Variants in CMIP observed in about 807,000 individuals in gnomAD.
CMIP encodes c-Maf inducing protein, also known as C-Maf-inducing protein.
Under a neutral mutation model 97.3 loss-of-function variants are expected in CMIP, and 13 were observed. The ratio of observed to expected loss-of-function variants is 0.13; its 90% CI spans 0.09 to 0.21. The LOEUF (loss-of-function observed/expected upper bound fraction) is 0.21. Among genes scored for constraint, CMIP ranks in the 10% least tolerant of loss-of-function variants. The pLI, the probability that CMIP is intolerant of heterozygous loss-of-function variation, is 1.00. For missense variants in CMIP, 847 were observed against 1,024.9 expected, an observed-to-expected ratio of 0.83 and a Z score of 2.37; for synonymous variants, 538 against 436.3, an observed-to-expected ratio of 1.23 and a Z score of -2.91.
At chr16:81,679,881 C>A (rs1202674095) in intron 10 of CMIP, among the ~76,000 whole-genome samples, 1 of 152,210 alleles carries the variant, frequency 6.6e-6, no homozygotes, top group Non-Finnish European at 1.5e-5. Flanking sequence ...CTGTTCCCTT[C>A]TGCCCCCCAC....
chr16:81,574,715 G>C (rs950779228), intron 1 of CMIP, among the ~76,000 whole-genome samples: 1 of 152,136 alleles, frequency 6.6e-6, no homozygotes, highest in Middle Eastern at 3.2e-3. Context: ...GCTGGTGCTG[G>C]GGATACAGTG....
chr16:81,701,560 G>C, intron 15 of CMIP, 100 bp from the exon 16 acceptor site: 1 of 1,527,068 alleles, frequency 6.5e-7, no homozygotes, highest in South Asian at 1.1e-5. Flanking sequence ...AGGGGATAGT[G>C]GGGTTGCTGG....
intron 3 of CMIP, among the ~76,000 whole-genome samples, chr16:81,637,955 A>T (rs1393201492): frequency 6.6e-6 from 1 of 152,114 alleles, no homozygotes; most frequent in Admixed American, 6.5e-5. Flanking sequence ...CTCTTTTCTA[A>T]GGGCACTGAT....
intron 1 of CMIP, among the ~76,000 whole-genome samples, chr16:81,603,042 C>A (rs2091683165): frequency 6.6e-6 from 1 of 152,146 alleles, no homozygotes; most frequent in South Asian, 2.1e-4. Context: ...GTGTTCCTGC[C>A]CAGTGATAGC....
rs1183935358 is a variant in CMIP, at chr16:81,687,737, G to A, written c.1389-4038G>A. On this transcript the variant is annotated intron_variant, in intron 10 of 20. Transcript: ENST00000537098. The stretch of plus-strand genomic sequence containing the variant: ...TCTGTACTCAGACTGAGACGCCGGC[G>A]AGTTCTCTGGACGCTCCCAGCTTTT... Among the ~76,000 whole-genome samples the A allele has an allele frequency of 3.9e-5, 6 of 152,192 alleles. No homozygotes were observed. In the East Asian group the frequency reaches 7.7e-4, roughly 20 times the overall value.
rs927815467 is a variant in CMIP, at chr16:81,655,731, A to C, written c.640-2044A>C. On this transcript the variant is annotated intron_variant, in intron 4 of 20. Coordinates refer to ENST00000537098, the MANE Select transcript of CMIP (RefSeq NM_198390.3). This position sits in a 1 kb window ranked among gnomAD's most constrained non-coding sequence, Gnocchi z 4.9. The stretch of plus-strand genomic sequence containing the variant: ...TCTTGGATGGGTGGTGGAGCACTGT[A>C]GCTCAGTGGCAGGAAATATAGACTT... Among the ~76,000 whole-genome samples, 106 of 152,326 alleles carry C rather than the reference A, an allele frequency of 7.0e-4. No homozygotes were observed. The highest frequency in any genetic ancestry group is 2.5e-3 in the African/African-American group (104 of 41,572).
At chr16:81,497,704 C>G (rs923735199) in intron 1 of CMIP, among the ~76,000 whole-genome samples, 7 of 152,238 alleles carry the variant, frequency 4.6e-5, no homozygotes, top group African/African-American at 4.8e-5. Flanking sequence ...TGCAGAATCC[C>G]GGTTTTCTGA....
intron 1 of CMIP, among the ~76,000 whole-genome samples, chr16:81,548,034 G>C (rs868300366): frequency 2.0e-5 from 3 of 152,156 alleles, no homozygotes; most frequent in Admixed American, 6.5e-5. Flanking sequence ...CATTACAGCG[G>C]CTGGCATTTA....
chr16:81,657,824 C>T lies in CMIP; in HGVS notation c.681+8C>T. On this transcript the variant is annotated splice_region_variant and intron_variant, in intron 5 of 20. Transcript: ENST00000537098. ...CATGAAAACATCATTGTGGTAAGTT[C>T]CTCTCGAACACGCTCCCTCCACCCA... The T allele has an allele frequency of 6.2e-7, 1 of 1,602,142 alleles. No individual in the cohort carries two copies. The highest frequency in any genetic ancestry group is 8.5e-7 in the Non-Finnish European group (1 of 1,174,214).
chr16:81,691,012 G>A (rs1276545437), intron 10 of CMIP, among the ~76,000 whole-genome samples: 1 of 152,176 alleles, frequency 6.6e-6, no homozygotes, highest in Non-Finnish European at 1.5e-5. Flanking sequence ...AAACAGCTTA[G>A]AATGTTTGTT....
chr16:81,588,815 G>A (rs1308735301), intron 1 of CMIP, among the ~76,000 whole-genome samples: 1 of 152,116 alleles, frequency 6.6e-6, no homozygotes, highest in Non-Finnish European at 1.5e-5. Flanking sequence ...CTTACCATGA[G>A]CCAGACGTGG....
chr16:81,703,098 T>C (rs563124517), intron 17 of CMIP, among the ~76,000 whole-genome samples: 44 of 152,244 alleles, frequency 2.9e-4, no homozygotes, highest in Middle Eastern at 6.8e-3. Flanking sequence ...ATTTGACACA[T>C]GGCTTCTACT....
At chr16:81,708,402 G>C (rs1908390622) in intron 20 of CMIP, among the ~76,000 whole-genome samples, 1 of 151,730 alleles carries the variant, frequency 6.6e-6, no homozygotes, top group Admixed American at 6.6e-5. Flanking sequence ...ATGCTGCCTG[G>C]ATTATCTTGA....
chr16:81,508,383 C>T (rs1567550093), intron 1 of CMIP, among the ~76,000 whole-genome samples: 1 of 152,182 alleles, frequency 6.6e-6, no homozygotes, highest in South Asian at 2.1e-4. Context: ...GAATCCTGTG[C>T]ACATTTTCCT....
At chr16:81,691,691 C>A in intron 10 of CMIP, 84 bp from the exon 11 acceptor site, 1 of 1,091,204 alleles carries the variant, frequency 9.2e-7, no homozygotes, top group Non-Finnish European at 1.4e-6. Flanking sequence ...CTCACCCCAT[C>A]TTTTGGCCCA....
intron 3 of CMIP, among the ~76,000 whole-genome samples, chr16:81,634,501 T>A (rs558936129): frequency 6.6e-6 from 1 of 152,146 alleles, no homozygotes; most frequent in African/African-American, 2.4e-5. Flanking sequence ...CAGAATCCCC[T>A]CTGTTTGTGC....
chr16:81,553,983 A>G (rs139289949), intron 1 of CMIP, among the ~76,000 whole-genome samples: 17 of 152,364 alleles, frequency 1.1e-4, no homozygotes, highest in African/African-American at 4.1e-4. Context: ...TGAACAGAAA[A>G]GTAATTTTCC....
At chr16:81,645,506 G>A in intron 3 of CMIP, 1 of 1,535,816 alleles carries the variant, frequency 6.5e-7, no homozygotes, top group East Asian at 2.4e-5. Context: ...TCCCGTGGAG[G>A]AGCAACAGGC....
intron 1 of CMIP, among the ~76,000 whole-genome samples, chr16:81,472,016 G>A (rs1227641217): frequency 6.6e-6 from 1 of 152,184 alleles, no homozygotes; most frequent in Non-Finnish European, 1.5e-5. Flanking sequence ...ACTGCTGCAG[G>A]TGCACACACA....
Sources: gnomAD v4.1 joint callset for allele counts (sites outside exome capture counted in the v4.1 genomes callset) on GRCh38, gnomAD v4.1.1 for gene constraint, Gnocchi (gnomAD v3.1) non-coding constraint, MANE v1.5 for transcripts, NCBI Gene and HGNC (gene_info 2026-07-23, HGNC 2026-07-21) for gene names.